Variants in LPGAT1 observed in about 807,000 individuals in gnomAD.
The protein encoded by LPGAT1 is lysophosphatidylglycerol acyltransferase 1.
In LPGAT1, 11 loss-of-function variants were observed where a neutral mutation model predicts 47.5. The ratio of observed to expected loss-of-function variants is 0.23; its 90% CI spans 0.15 to 0.38. LPGAT1 has a LOEUF of 0.38. Ranked by LOEUF, LPGAT1 falls within the 10% of genes least tolerant of loss-of-function variation. The pLI is 1.00. For missense variants in LPGAT1, 293 were observed against 439.0 expected (o/e 0.67, Z 2.97); for synonymous variants, 138 against 144.2 (o/e 0.96, Z 0.31).
chr1:211,762,166 G>A (rs1296590283), intron 6 of LPGAT1, among the ~76,000 whole-genome samples: 1 of 152,086 alleles, frequency 6.6e-6, no homozygotes, highest in Non-Finnish European at 1.5e-5. Context: ...TCTCAAAATA[G>A]TATCTAAAAT....
At chr1:211,755,462 T>C (rs1657401321) in intron 6 of LPGAT1, among the ~76,000 whole-genome samples, 1 of 151,980 alleles carries the variant, frequency 6.6e-6, no homozygotes, top group Non-Finnish European at 1.5e-5. Context: ...AATTACATTA[T>C]AATGATACCT....
At chr1:211,808,132 G>C (rs1659831471) in intron 2 of LPGAT1, among the ~76,000 whole-genome samples, 1 of 152,056 alleles carries the variant, frequency 6.6e-6, no homozygotes, top group Non-Finnish European at 1.5e-5. Flanking sequence ...GATCACTTGA[G>C]GTCGGGAGTT....
intron 2 of LPGAT1, among the ~76,000 whole-genome samples, chr1:211,796,993 C>A (rs1435334814): frequency 1.3e-5 from 2 of 152,006 alleles, no homozygotes; most frequent in East Asian, 3.9e-4. Context: ...TGGTGGCTCA[C>A]GTCTATAATC....
At chr1:211,763,142 A>C (rs1343195942) in intron 6 of LPGAT1, among the ~76,000 whole-genome samples, 1 of 152,200 alleles carries the variant, frequency 6.6e-6, no homozygotes, top group East Asian at 1.9e-4. Context: ...ATTTGGCCTA[A>C]AAAAGTAAGA....
At chr1:211,788,985 T>G (rs1659000713) in intron 3 of LPGAT1, among the ~76,000 whole-genome samples, 2 of 152,228 alleles carry the variant, frequency 1.3e-5, no homozygotes, top group Admixed American at 1.3e-4. Flanking sequence ...TTACAGCTTC[T>G]GCCTTAGTTT....
Position 211,829,251 on chromosome 1 carries a change from C to T in LPGAT1, c.46G>A (p.Val16Met). ...AAGGCAAACCTCATCAGTGCTTTCACCAAGAGCCAGCCCAGCCACGGAGCT... is the reference window on the plus strand; with the variant it reads ...AAGGCAAACCTCATCAGTGCTTTCATCAAGAGCCAGCCCAGCCACGGAGCT... ...EEAPWLGWLL[V>M]KALMRFAFMV... The change falls in exon 2 of 8, where the codon GTG becomes ATG. Residue 16 changes from valine to methionine, a missense_variant. Val to Met is a conservative substitution (Grantham distance 21). Transcript: ENST00000366997. 12 of 1,614,176 alleles carry T rather than the reference C, an allele frequency of 7.4e-6. No homozygotes were observed. The highest frequency in any genetic ancestry group is 1.0e-5 in the Non-Finnish European group (12 of 1,180,046).
intron 4 of LPGAT1, among the ~76,000 whole-genome samples, chr1:211,787,022 C>G (rs1558268463): frequency 6.6e-6 from 1 of 152,014 alleles, no homozygotes; most frequent in Non-Finnish European, 1.5e-5. Flanking sequence ...ATAATTTGCC[C>G]AATTCACATA....
intron 2 of LPGAT1, among the ~76,000 whole-genome samples, chr1:211,799,508 A>G (rs959872967): frequency 1.3e-5 from 2 of 152,180 alleles, no homozygotes; most frequent in African/African-American, 2.4e-5. Flanking sequence ...CAAAACCACA[A>G]TATCATATTG....
chr1:211,801,300 T>G (rs1013801086), intron 2 of LPGAT1, among the ~76,000 whole-genome samples: 4 of 152,170 alleles, frequency 2.6e-5, no homozygotes, highest in Admixed American at 1.3e-4. Flanking sequence ...AAATAATCCT[T>G]TCCTTCCATT....
rs1660688746 is a variant in LPGAT1 at position 211,830,283 on chromosome 1, G to C, written c.-28+290C>G. ...CGCGGTGGCGGCCCAAGCGGCCCGA[G>C]GCGCTGCGCGAGCGGGCGCGCTGGC... On this transcript the variant is annotated intron_variant, in intron 1 of 7. Coordinates refer to ENST00000366997, the MANE Select transcript of LPGAT1 (RefSeq NM_014873.3). The surrounding 1 kb of genome is among the most constrained non-coding windows in gnomAD (Gnocchi z 5.9). The C allele has an allele frequency of 9.7e-7, 1 of 1,035,574 alleles. No homozygotes were observed. Among genetic ancestry groups the C allele is most frequent in the African/African-American group, 1.7e-5 (1 of 58,520 alleles). 64.1% of individuals were successfully genotyped at this position (1,035,574 alleles called of 1,614,324 possible). A position where few individuals can be genotyped will look rare whatever the true frequency, so the allele number is the denominator to read the frequency against.
At position 211,801,770 on chromosome 1, in the gene LPGAT1, A is replaced by T. The variant is rs1212967894; in HGVS notation, c.239-8580T>A. On this transcript the variant is annotated intron_variant, in intron 2 of 7. Coordinates refer to ENST00000366997, the MANE Select transcript of LPGAT1 (RefSeq NM_014873.3). ...AGGGGAGGAGAAAGAAAAGAAGGGA[A>T]AAGAAAAGAAGAGAAGAGAAAAGAA... Among the ~76,000 whole-genome samples, 6 of 151,096 alleles carry T rather than the reference A, an allele frequency of 4.0e-5. No homozygotes were observed. The East Asian group carries it at 1.2e-3, about 29-fold the overall frequency.
intron 2 of LPGAT1, among the ~76,000 whole-genome samples, chr1:211,815,865 G>A (rs936396620): frequency 7.2e-6 from 1 of 139,584 alleles, no homozygotes; most frequent in Non-Finnish European, 1.5e-5. Flanking sequence ...TGCAAGTTCC[G>A]CCTCCCATGT....
Position 211,829,869 on chromosome 1 carries a change from C to CTTT in LPGAT1, c.-27-549_-27-547dup, listed in dbSNP as rs5780661. The stretch of plus-strand genomic sequence containing the variant: ...TTGTAGCAATAGGGTTTTTGTTTCC[C>CTTT]TTTTTTTTTTAAGAAAAAAAATGGG... On this transcript the variant is annotated intron_variant, in intron 1 of 7. Transcript: ENST00000366997. The CTTT allele has an allele frequency of 2.2e-5, 20 of 918,968 alleles. No individual in the cohort carries two copies. The East Asian group carries it at 1.8e-3, about 85-fold the overall frequency. The allele number at this position is 918,968 out of a possible 1,614,324, so 56.9% of individuals were successfully genotyped here.
chr1:211,798,622 G>A (rs956158057), intron 2 of LPGAT1, among the ~76,000 whole-genome samples: 1 of 152,148 alleles, frequency 6.6e-6, no homozygotes, highest in Non-Finnish European at 1.5e-5. Context: ...GCTCAAGGCT[G>A]TAGTGAGCTG....
At position 211,744,132 on chromosome 1, in the gene LPGAT1, A is replaced by G. The variant is rs981514817; in HGVS notation, c.*5767T>C. 1.3e-5 allele frequency: 2 copies of G among 150,546 alleles called. No individual in the cohort carries two copies. Among genetic ancestry groups the G allele is most frequent in the Non-Finnish European group, 3.0e-5 (2 of 67,336 alleles). The allele number at this position is 150,546 out of a possible 1,614,324, so 9.3% of individuals were successfully genotyped here. ...CATTAATGCTTTTCCTACCCTTTAA[A>G]GCCCTGGCCAGGGTCAGTGATAGGA... On this transcript the variant is annotated 3_prime_UTR_variant, in exon 8 of 8. Coordinates refer to ENST00000366997, the MANE Select transcript of LPGAT1 (RefSeq NM_014873.3).
At chr1:211,802,712 AAC>A (rs1659621248) in intron 2 of LPGAT1, among the ~76,000 whole-genome samples, 1 of 152,176 alleles carries the variant, frequency 6.6e-6, no homozygotes, top group South Asian at 2.1e-4. Flanking sequence ...CAGAAAAAAG[AAC>A]AGAGAAAAAG....
intron 6 of LPGAT1, among the ~76,000 whole-genome samples, chr1:211,756,857 G>GTT (rs528629982): frequency 9.9e-5 from 13 of 130,716 alleles, no homozygotes; most frequent in South Asian, 2.5e-4. Flanking sequence ...TGTTTGCTTT[G>GTT]TTTTTTTTTT....
intron 6 of LPGAT1, among the ~76,000 whole-genome samples, chr1:211,754,258 T>G (rs931864039): frequency 1.3e-5 from 2 of 152,224 alleles, no homozygotes; most frequent in Admixed American, 1.3e-4. Flanking sequence ...TTTCAACCAG[T>G]CTTCCCAAGT....
intron 5 of LPGAT1, among the ~76,000 whole-genome samples, chr1:211,783,011 A>G (rs1246522304): frequency 6.6e-6 from 1 of 152,230 alleles, no homozygotes; most frequent in Non-Finnish European, 1.5e-5. Context: ...CAGGAGAAAG[A>G]TATCTTTGAC....
Sources: gnomAD v4.1 joint callset for allele counts (sites outside exome capture counted in the v4.1 genomes callset) on GRCh38, gnomAD v4.1.1 for gene constraint, Gnocchi (gnomAD v3.1) non-coding constraint, MANE v1.5 for transcripts, NCBI Gene and HGNC (gene_info 2026-07-23, HGNC 2026-07-21) for gene names.